Variants in ZSCAN25 observed in about 807,000 individuals in gnomAD.
ZSCAN25 encodes zinc finger and SCAN domain containing 25.
A neutral mutation model predicts 38.7 loss-of-function variants in ZSCAN25; 27 were observed. The ratio of observed to expected loss-of-function variants is 0.70; its 90% CI spans 0.51 to 0.96. The LOEUF (loss-of-function observed/expected upper bound fraction) is 0.96, where lower values mean the gene tolerates loss of function less well. Ranked by LOEUF, ZSCAN25 falls within the 40% of genes least tolerant of loss-of-function variation. ZSCAN25 has a pLI of 0.00. For missense variants in ZSCAN25, 637 were observed against 705.9 expected (o/e 0.90, Z 1.11); for synonymous variants, 273 against 277.7 (o/e 0.98, Z 0.17).
At chr7:99,714,013 G>T in the ZSCAN25 span, among the ~76,000 whole-genome samples, 1 of 152,158 alleles carries the variant, frequency 6.6e-6, no homozygotes, top group Non-Finnish European at 1.5e-5. Context: ...GCTCATGAAG[G>T]CAAAGCTGAG....
At position 99,630,756 on chromosome 7, in the gene ZSCAN25, G is replaced by A. The variant is rs902176333; in HGVS notation, c.*736G>A. The A allele has an allele frequency of 1.0e-5, 10 of 985,240 alleles. No homozygotes were observed. Among genetic ancestry groups the A allele is most frequent in the Non-Finnish European group, 1.2e-5 (10 of 829,938 alleles). The allele number at this position is 985,240 out of a possible 1,614,324, so 61.0% of individuals were successfully genotyped here. A position where few individuals can be genotyped will look rare whatever the true frequency, so the allele number is the denominator to read the frequency against. On this transcript the variant is annotated 3_prime_UTR_variant, in exon 8 of 8. Coordinates refer to ENST00000394152, the MANE Select transcript of ZSCAN25 (RefSeq NM_145115.3). ...CTATCCTCATCTGTAAAACTTCCCC[G>A]TCCATTATTCCTTGCACTATAACAA... is the stretch of plus-strand genomic sequence containing the variant.
the ZSCAN25 span, chr7:99,705,506 T>C: frequency 5.6e-6 from 9 of 1,613,404 alleles, no homozygotes; most frequent in Admixed American, 1.7e-5. Context: ...GAAATCAGGC[T>C]CCACTTACGG....
chr7:99,677,553 G>A, the ZSCAN25 span, among the ~76,000 whole-genome samples: 2 of 152,216 alleles, frequency 1.3e-5, no homozygotes, highest in Non-Finnish European at 2.9e-5. Context: ...CTTCAAGGCA[G>A]TATAGGTTCC....
chr7:99,678,028 A>G, the ZSCAN25 span, among the ~76,000 whole-genome samples: 1 of 152,188 alleles, frequency 6.6e-6, no homozygotes, highest in African/African-American at 2.4e-5. Flanking sequence ...CAGTGAAGAG[A>G]CTAACAGAAA....
At chr7:99,710,761 T>G in the ZSCAN25 span, 3 of 1,613,916 alleles carry the variant, frequency 1.9e-6, no homozygotes. Context: ...TCAATTTCCT[T>G]CTGCACTTTC....
At chr7:99,642,727 T>C in the ZSCAN25 span, among the ~76,000 whole-genome samples, 1 of 152,350 alleles carries the variant, frequency 6.6e-6, no homozygotes, top group Admixed American at 6.5e-5. Context: ...TCTGACGTAT[T>C]ATAAATTTGT....
chr7:99,663,817 CCTT>C, the ZSCAN25 span: 1 of 1,347,838 alleles, frequency 7.4e-7, no homozygotes, highest in Non-Finnish European at 9.5e-7. Context: ...TCCCCAATCT[CCTT>C]CTTTATTTCT....
chr7:99,674,683 GC>G, the ZSCAN25 span: 110 of 957,248 alleles, frequency 1.1e-4, no homozygotes, highest in East Asian at 2.9e-3. Flanking sequence ...ATGAAATCAG[GC>G]CTGCTATCTT....
chr7:99,707,963 T>C, the ZSCAN25 span: 21 of 1,613,784 alleles, frequency 1.3e-5, no homozygotes, highest in Admixed American at 3.3e-4. Flanking sequence ...GTCCTTGTTC[T>C]TTTTACTGAA....
downstream of ZSCAN25, among the ~76,000 whole-genome samples, chr7:99,634,528 G>T (rs541526289): frequency 6.6e-6 from 1 of 152,180 alleles, no homozygotes; most frequent in Non-Finnish European, 1.5e-5. Context: ...GGTGGCTCAC[G>T]CCTGTAATCC....
At chr7:99,685,172 C>G in the ZSCAN25 span, 1 of 1,612,540 alleles carries the variant, frequency 6.2e-7, no homozygotes, top group Non-Finnish European at 8.5e-7. Flanking sequence ...TCCCTTGACT[C>G]AACCTTTAGA....
chr7:99,684,292 T>C, the ZSCAN25 span, among the ~76,000 whole-genome samples: 1,498 of 151,558 alleles, frequency 9.9e-3, 15 homozygotes, highest in Non-Finnish European at 0.014. Context: ...CTCAGCCTCC[T>C]GGGTAGCTGA....
At chr7:99,730,807 A>G in the ZSCAN25 span, 12 of 470,796 alleles carry the variant, frequency 2.5e-5, no homozygotes, top group South Asian at 2.3e-4. Flanking sequence ...AAGTCTGCAC[A>G]TCAAGTTGTG....
the ZSCAN25 span, chr7:99,713,438 C>G: frequency 6.2e-7 from 1 of 1,612,748 alleles, no homozygotes; most frequent in Non-Finnish European, 8.5e-7. Context: ...GAGTGCCCCA[C>G]CAGTAGCCCT....
the ZSCAN25 span, among the ~76,000 whole-genome samples, chr7:99,644,100 T>C: frequency 6.6e-6 from 1 of 152,158 alleles, no homozygotes; most frequent in African/African-American, 2.4e-5. Flanking sequence ...CTCCAGTGTT[T>C]GCTGTCATCG....
At chr7:99,691,291 T>A in the ZSCAN25 span, among the ~76,000 whole-genome samples, 1 of 143,106 alleles carries the variant, frequency 7.0e-6, no homozygotes, top group Admixed American at 7.2e-5. Flanking sequence ...CGGGGACTGT[T>A]GTGGGGTAGG....
chr7:99,632,064 CTT>C lies in ZSCAN25; in HGVS notation c.*2047_*2048del. Reference sequence around the variant, plus strand: ...TGTCATTACCTGAATCACAGATGCTCTTTTGTCATACACAGCCAGCATTCCTC... The same window carrying C: ...TGTCATTACCTGAATCACAGATGCTCTTGTCATACACAGCCAGCATTCCTC... On this transcript the variant is annotated 3_prime_UTR_variant, in exon 8 of 8. Coordinates refer to ENST00000394152, the MANE Select transcript of ZSCAN25 (RefSeq NM_145115.3). 1.0e-6 allele frequency: 1 copy of C among 985,414 alleles called. No homozygotes were observed. Among genetic ancestry groups the C allele is most frequent in the African/African-American group, 1.7e-5 (1 of 57,326 alleles). The allele number at this position is 985,414 out of a possible 1,614,324, so 61.0% of individuals were successfully genotyped here.
the ZSCAN25 span, chr7:99,650,085 A>G: frequency 1.9e-6 from 3 of 1,614,128 alleles, no homozygotes; most frequent in African/African-American, 1.3e-5. Context: ...GTGTTTCTTT[A>G]CAAGGTTTGA....
the ZSCAN25 span, chr7:99,685,133 G>T: frequency 6.3e-7 from 1 of 1,575,170 alleles, no homozygotes; most frequent in Non-Finnish European, 8.7e-7. Flanking sequence ...GAAGTCCTTA[G>T]GGAAATTCAG....
Sources: gnomAD v4.1 joint callset for allele counts (sites outside exome capture counted in the v4.1 genomes callset) on GRCh38, gnomAD v4.1.1 for gene constraint, MANE v1.5 for transcripts, NCBI Gene and HGNC (gene_info 2026-07-23, HGNC 2026-07-21) for gene names.